Variants in AK5 observed in about 807,000 individuals in gnomAD.
AK5 encodes adenylate kinase 5.
A neutral mutation model predicts 69.5 loss-of-function variants in AK5; 27 were observed. The observed-to-expected ratio is 0.39, with a 90% CI of 0.29 to 0.54. The LOEUF is 0.54. Ranked by LOEUF, AK5 falls within the 20% of genes least tolerant of loss-of-function variation. The probability of loss-of-function intolerance (pLI) is 0.71; values close to 1 mark genes in which losing one functional copy is unlikely to be tolerated. For synonymous variants in AK5, 260 were observed against 244.4 expected, an observed-to-expected ratio of 1.06 and a Z score of -0.60; for missense variants, 531 against 700.4, an observed-to-expected ratio of 0.76 and a Z score of 2.73.
chr1:77,349,672 G>T (rs902700729), intron 6 of AK5: 26 of 152,172 alleles, frequency 1.7e-4, no homozygotes, highest in African/African-American at 6.3e-4. Flanking sequence ...CTAGGTAATA[G>T]ATGTAAAATA....
At chr1:77,368,086 T>C (rs1647032587) in intron 6 of AK5, among the ~76,000 whole-genome samples, 1 of 136,344 alleles carries the variant, frequency 7.3e-6, no homozygotes, top group African/African-American at 2.7e-5. Flanking sequence ...ATGGAAAAAA[T>C]ACTAAGTCTT....
At chr1:77,438,148 A>G (rs1333507222) in intron 8 of AK5, among the ~76,000 whole-genome samples, 2 of 152,052 alleles carry the variant, frequency 1.3e-5, no homozygotes, top group Non-Finnish European at 2.9e-5. Flanking sequence ...AAAACTTGTA[A>G]GTAGCTTTGG....
chr1:77,417,071 C>T (rs1650477353), intron 7 of AK5, among the ~76,000 whole-genome samples: 1 of 152,076 alleles, frequency 6.6e-6, no homozygotes, highest in Admixed American at 6.6e-5. Flanking sequence ...ATTAAGTTAA[C>T]CCGATTTTTC....
At chr1:77,550,932 T>C (rs536045371) in intron 13 of AK5, among the ~76,000 whole-genome samples, 76 of 152,324 alleles carry the variant, frequency 5.0e-4, no homozygotes, top group Non-Finnish European at 7.5e-4. Flanking sequence ...ATTCCAGCAC[T>C]TTGGGAGGCC....
At chr1:77,410,745 T>A (rs1649988585) in intron 6 of AK5, among the ~76,000 whole-genome samples, 1 of 151,778 alleles carries the variant, frequency 6.6e-6, no homozygotes, top group Non-Finnish European at 1.5e-5. Context: ...TAAGAAAATA[T>A]TACACTTTTT....
chr1:77,311,650 C>G (rs1659968357), intron 5 of AK5, among the ~76,000 whole-genome samples: 2 of 149,572 alleles, frequency 1.3e-5, no homozygotes, highest in African/African-American at 4.9e-5. Context: ...AGAGCCAACT[C>G]TTCCCTTTCT....
intron 8 of AK5, among the ~76,000 whole-genome samples, chr1:77,465,183 G>A (rs935417933): frequency 3.3e-5 from 5 of 152,106 alleles, no homozygotes; most frequent in African/African-American, 4.8e-5. Flanking sequence ...AAATGGAAGT[G>A]CTGCCACTTC....
At chr1:77,543,149 CA>C (rs1454793684) in intron 13 of AK5, among the ~76,000 whole-genome samples, 1 of 152,148 alleles carries the variant, frequency 6.6e-6, no homozygotes, top group Non-Finnish European at 1.5e-5. Flanking sequence ...TGAATTGAGG[CA>C]AGAAGAGTGA....
chr1:77,374,346 A>C (rs1647184573), intron 6 of AK5, among the ~76,000 whole-genome samples: 1 of 151,992 alleles, frequency 6.6e-6, no homozygotes, highest in Non-Finnish European at 1.5e-5. Flanking sequence ...AAATCCTCCC[A>C]AATAGAATTT....
intron 8 of AK5, among the ~76,000 whole-genome samples, chr1:77,426,720 C>T (rs189943507): frequency 6.6e-5 from 10 of 152,184 alleles, no homozygotes; most frequent in Admixed American, 4.6e-4. Flanking sequence ...GAATATTCAC[C>T]AAGACTACAT....
At chr1:77,348,774 C>A (rs1662044044) in intron 6 of AK5, among the ~76,000 whole-genome samples, 1 of 152,048 alleles carries the variant, frequency 6.6e-6, no homozygotes, top group Non-Finnish European at 1.5e-5. Flanking sequence ...CACACACAAA[C>A]ACATATTTTT....
At chr1:77,368,242 TATATATATATAA>T (rs1258663073) in intron 6 of AK5, among the ~76,000 whole-genome samples, 3 of 12,716 alleles carry the variant, frequency 2.4e-4, no homozygotes, top group Non-Finnish European at 6.9e-4. Context: ...TATATATATA[TATATATATATAA>T]TATATATGTT....
chr1:77,398,928 G>A (rs1358632406), intron 6 of AK5, among the ~76,000 whole-genome samples: 3 of 151,894 alleles, frequency 2.0e-5, no homozygotes, highest in Non-Finnish European at 4.4e-5. Flanking sequence ...TATTCTAAAA[G>A]TTTATTTATT....
At chr1:77,391,487 GTGTGTGTGTATATATATATATATATATA>G (rs1557554333) in intron 6 of AK5, among the ~76,000 whole-genome samples, 3 of 89,462 alleles carry the variant, frequency 3.4e-5, no homozygotes, top group Admixed American at 1.1e-4. Context: ...GTGTGTATGT[GTGTGTGTGTATATATATATATATATATA>G]TATATATATA....
At chr1:77,342,477 G>T (rs1003979673) in intron 6 of AK5, among the ~76,000 whole-genome samples, 2 of 152,200 alleles carry the variant, frequency 1.3e-5, no homozygotes, top group Non-Finnish European at 2.9e-5. Context: ...CAATGTGGAT[G>T]ACAGCCTGTA....
chr1:77,319,097 T>G (rs138477529), intron 5 of AK5, among the ~76,000 whole-genome samples: 31 of 151,812 alleles, frequency 2.0e-4, no homozygotes, highest in African/African-American at 7.2e-4. Flanking sequence ...GGAGGAGGAG[T>G]AGTTACTTCA....
chr1:77,431,251 A>T (rs1482668253), intron 8 of AK5, among the ~76,000 whole-genome samples: 1 of 152,220 alleles, frequency 6.6e-6, no homozygotes, highest in African/African-American at 2.4e-5. Flanking sequence ...TTCATTTGAT[A>T]TTAGTGAATT....
At chr1:77,324,281 TAA>T (rs1039347600) in intron 5 of AK5, among the ~76,000 whole-genome samples, 8 of 134,390 alleles carry the variant, frequency 6.0e-5, no homozygotes, top group African/African-American at 2.2e-4. Context: ...TTCAATTAAT[TAA>T]GTGTGGAACA....
chr1:77,293,901 T>C lies in AK5; in HGVS notation c.356T>C (p.Ile119Thr), dbSNP rs1318039022. Residue 119 changes from isoleucine to threonine, a missense_variant, in exon 3 of 14, where the codon ATT becomes ACT. Transcript: ENST00000354567. ...GATCTCTCTGAGACTGCAGAGTTGA[T>C]TGAGGAGTATGAGGTTTTTGATCCT... ...DTDLSETAEL[I>T]EEYEVFDPTR... 1 of 1,613,576 alleles carries C rather than the reference T, an allele frequency of 6.2e-7. No homozygotes were observed. Among genetic ancestry groups the C allele is most frequent in the Non-Finnish European group, 8.5e-7 (1 of 1,179,876 alleles).
Sources: gnomAD v4.1 joint callset for allele counts (sites outside exome capture counted in the v4.1 genomes callset) on GRCh38, gnomAD v4.1.1 for gene constraint, MANE v1.5 for transcripts, NCBI Gene and HGNC (gene_info 2026-07-23, HGNC 2026-07-21) for gene names.